TBCD: variants seen among roughly 807,000 people sequenced by gnomAD.
TBCD encodes tubulin folding cofactor D.
In TBCD, 105 loss-of-function variants were observed where a neutral mutation model predicts 169.3. That is an observed-to-expected ratio of 0.62 (90% CI 0.53 to 0.73). The LOEUF (loss-of-function observed/expected upper bound fraction) is 0.73, where lower values mean the gene tolerates loss of function less well. Among genes scored for constraint, TBCD ranks in the 30% least tolerant of loss-of-function variants. The probability of loss-of-function intolerance (pLI) is 0.00; values close to 1 mark genes in which losing one functional copy is unlikely to be tolerated. For missense variants in TBCD, 1,444 were observed against 1,600.1 expected (o/e 0.90, Z 1.66); for synonymous variants, 700 against 643.9 (o/e 1.09, Z -1.32).
intron 7 of TBCD, among the ~76,000 whole-genome samples, chr17:82,787,540 G>A (rs2049404627): frequency 6.6e-6 from 1 of 152,256 alleles, no homozygotes; most frequent in Non-Finnish European, 1.5e-5. Flanking sequence ...TGGGTGCTGA[G>A]CGGGTGGGAG....
chr17:82,881,181 T>C (rs979995092), intron 14 of TBCD, among the ~76,000 whole-genome samples: 1 of 152,184 alleles, frequency 6.6e-6, no homozygotes, highest in African/African-American at 2.4e-5. Flanking sequence ...CGCTGGGGTC[T>C]CTCTCGGCCC....
chr17:82,897,813 T>C (rs2059590638), intron 17 of TBCD, among the ~76,000 whole-genome samples: 1 of 152,246 alleles, frequency 6.6e-6, no homozygotes, highest in Admixed American at 6.5e-5. Context: ...GGTTCCTCAG[T>C]GGTTCTCACT....
chr17:82,859,859 AC>A, intron 13 of TBCD: 1 of 985,348 alleles, frequency 1.0e-6, no homozygotes, highest in Non-Finnish European at 1.2e-6. Flanking sequence ...CAGAAAGAAA[AC>A]CCTTGAGATA....
chr17:82,841,073 G>A (rs1013429791), intron 13 of TBCD, among the ~76,000 whole-genome samples: 1 of 146,948 alleles, frequency 6.8e-6, no homozygotes, highest in African/African-American at 2.5e-5. Context: ...CTCCCGAGTA[G>A]CTGGGACTAC....
chr17:82,927,663 C>T (rs902034008), intron 29 of TBCD, among the ~76,000 whole-genome samples: 8 of 152,228 alleles, frequency 5.3e-5, no homozygotes, highest in Admixed American at 2.6e-4. Context: ...ACCCCTGAAA[C>T]GCCTGTGTGT....
At chr17:82,808,421 C>CA (rs2051149185) in intron 11 of TBCD, among the ~76,000 whole-genome samples, 1 of 61,050 alleles carries the variant, frequency 1.6e-5, no homozygotes, top group African/African-American at 7.0e-5. Context: ...GAGGCAGGTG[C>CA]GGGGGCAGTA....
intron 37 of TBCD, among the ~76,000 whole-genome samples, 158 bp downstream of exon 37, chr17:82,939,634 G>A (rs996145383): frequency 1.1e-4 from 16 of 152,352 alleles, no homozygotes; most frequent in South Asian, 2.1e-4. Flanking sequence ...CAAGGCAGCC[G>A]TGCTGCTGTA....
chr17:82,926,922 A>C, intron 28 of TBCD: 1 of 541,132 alleles, frequency 1.8e-6, no homozygotes, highest in Non-Finnish European at 3.3e-6. Context: ...CGTTCCCTCT[A>C]GTCAGGGTGG....
At chr17:82,825,054 A>G (rs1404037631) in intron 13 of TBCD, among the ~76,000 whole-genome samples, 3 of 152,230 alleles carry the variant, frequency 2.0e-5, no homozygotes, top group African/African-American at 7.2e-5. Context: ...CTTTGGAGGA[A>G]TTGTGTCGGA....
rs1332803573 is a variant in TBCD, at chr17:82,916,398, C to T, written c.2039-4158C>T. ...TAGCTGGGATTACAGGCATGCGCCA[C>T]CGTGGCAGGCTAATTTTTGTATTTT... On this transcript the variant is annotated intron_variant, in intron 23 of 38. Coordinates refer to ENST00000355528, the MANE Select transcript of TBCD (RefSeq NM_005993.5). 2.0e-5 allele frequency among the ~76,000 whole-genome samples: 3 copies of T among 152,156 alleles called. No homozygotes were observed. The East Asian group carries it at 5.8e-4, about 29-fold the overall frequency.
At chr17:82,803,691 C>T (rs2050740004) in intron 9 of TBCD, among the ~76,000 whole-genome samples, 1 of 152,222 alleles carries the variant, frequency 6.6e-6, no homozygotes. Flanking sequence ...CACCTGCTGG[C>T]CAACAGTGGC....
chr17:82,778,599 C>T (rs1399716816), intron 6 of TBCD, among the ~76,000 whole-genome samples: 1 of 151,708 alleles, frequency 6.6e-6, no homozygotes, highest in Non-Finnish European at 1.5e-5. Context: ...GCTGGGACTG[C>T]AGGCGCATGC....
In TBCD at chr17:82,856,038, A is replaced by G. The variant is rs564043520; in HGVS notation, c.1319-14186A>G. Among the ~76,000 whole-genome samples the G allele has an allele frequency of 4.5e-5, 5 of 109,936 alleles. No homozygotes were observed. In the South Asian group the frequency reaches 1.5e-3, roughly 34 times the overall value. The allele number at this position is 109,936 out of a possible 152,430, so 72.1% of individuals were successfully genotyped here. The stretch of plus-strand genomic sequence containing the variant: ...TTTTTTGTAGAGACAGGGTCTCACC[A>G]TCTAGCCCAGGTTGGTCTTGAACTC... On this transcript the variant is annotated intron_variant, in intron 13 of 38. Coordinates refer to ENST00000355528, the MANE Select transcript of TBCD (RefSeq NM_005993.5).
chr17:82,872,435 A>C (rs2057644349), intron 14 of TBCD, among the ~76,000 whole-genome samples: 1 of 152,102 alleles, frequency 6.6e-6, no homozygotes, highest in African/African-American at 2.4e-5. Flanking sequence ...TGCCTTGCAG[A>C]GTGGAGCAGA....
intron 9 of TBCD, among the ~76,000 whole-genome samples, chr17:82,802,226 T>C (rs2050625689): frequency 6.6e-6 from 1 of 151,416 alleles, no homozygotes; most frequent in East Asian, 1.9e-4. Context: ...CAGACTTTTC[T>C]AGTGTTCTTA....
intron 13 of TBCD, among the ~76,000 whole-genome samples, chr17:82,822,286 C>T (rs562570986): frequency 2.0e-5 from 3 of 152,114 alleles, no homozygotes; most frequent in Non-Finnish European, 2.9e-5. Context: ...AACAAGGAAA[C>T]GAAGGGAGCA....
intron 13 of TBCD, among the ~76,000 whole-genome samples, chr17:82,816,964 G>A (rs941206871): frequency 3.0e-4 from 45 of 151,676 alleles, no homozygotes; most frequent in African/African-American, 9.0e-4. Context: ...GTGTTTGCCC[G>A]TTTGTATGTC....
At position 82,932,644 on chromosome 17, in the gene TBCD, CCTT is replaced by C. The variant is rs1568085128; in HGVS notation, c.3114-11_3114-9del. 2 of 1,611,526 alleles carry C rather than the reference CCTT, an allele frequency of 1.2e-6. No homozygotes were observed. The highest frequency in any genetic ancestry group is 1.7e-6 in the Non-Finnish European group (2 of 1,179,232). On this transcript the variant is annotated splice_polypyrimidine_tract_variant and intron_variant, in intron 33 of 38. Transcript: ENST00000355528. ...TGCTGGTGTCCAGGGTCTCACAGCT[CCTT>C]CTCCCCTCAGGGTGTCCGTGCCGCT...
At chr17:82,916,709 A>AT (rs1325300927) in intron 23 of TBCD, among the ~76,000 whole-genome samples, 1 of 151,834 alleles carries the variant, frequency 6.6e-6, no homozygotes, top group African/African-American at 2.4e-5. Context: ...TTCTTTTGAG[A>AT]TTTTTATCTT....
Sources: gnomAD v4.1 joint callset for allele counts (sites outside exome capture counted in the v4.1 genomes callset) on GRCh38, gnomAD v4.1.1 for gene constraint, MANE v1.5 for transcripts, NCBI Gene and HGNC (gene_info 2026-07-23, HGNC 2026-07-21) for gene names.